AHCYL2: variants seen among roughly 807,000 people sequenced by gnomAD.
The protein encoded by AHCYL2 is S-adenosylhomocysteine hydrolase-like protein 2.
AHCYL2 carries 28 observed loss-of-function variants against 81.4 expected under a neutral mutation model. The ratio of observed to expected loss-of-function variants is 0.34; its 90% CI spans 0.25 to 0.47. The LOEUF (loss-of-function observed/expected upper bound fraction) is 0.47, where lower values mean the gene tolerates loss of function less well. Ranked by LOEUF, AHCYL2 falls within the 20% of genes least tolerant of loss-of-function variation. The pLI, the probability that AHCYL2 is intolerant of heterozygous loss-of-function variation, is 1.00. For synonymous variants in AHCYL2, 272 were observed against 290.2 expected, an observed-to-expected ratio of 0.94 and a Z score of 0.64; for missense variants, 551 against 785.1, an observed-to-expected ratio of 0.70 and a Z score of 3.56.
intron 10 of AHCYL2, among the ~76,000 whole-genome samples, chr7:129,409,021 C>T (rs1796437498): frequency 6.6e-6 from 1 of 151,704 alleles, no homozygotes. Flanking sequence ...GGCTGTAGTG[C>T]ACTATGATTA....
intron 1 of AHCYL2, among the ~76,000 whole-genome samples, chr7:129,248,510 CT>C (rs61064725): frequency 0.94 from 131,234 of 140,258 alleles, 61,662 homozygotes; most frequent in South Asian, 0.99. Flanking sequence ...TTCTTTTTTT[CT>C]TTTTTTTTTT....
At chr7:129,370,881 G>A (rs1291806989) in intron 1 of AHCYL2, among the ~76,000 whole-genome samples, 1 of 152,130 alleles carries the variant, frequency 6.6e-6, no homozygotes, top group Non-Finnish European at 1.5e-5. Context: ...TCAATAACAC[G>A]ATTGTCTCAT....
intron 2 of AHCYL2, 92 bp downstream of exon 2, chr7:129,379,841 A>G: frequency 1.1e-6 from 1 of 914,032 alleles, no homozygotes. Flanking sequence ...ATTAAGCATG[A>G]CCAAGACTGT....
chr7:129,330,386 C>G (rs1170596824), intron 1 of AHCYL2, among the ~76,000 whole-genome samples: 1 of 151,616 alleles, frequency 6.6e-6, no homozygotes, highest in Non-Finnish European at 1.5e-5. Context: ...TACACTCATG[C>G]AATGAAATAT....
At chr7:129,230,079 C>CTTTTTT (rs35056717) in intron 1 of AHCYL2, among the ~76,000 whole-genome samples, 7 of 109,432 alleles carry the variant, frequency 6.4e-5, no homozygotes, top group South Asian at 3.0e-4. Context: ...TTATTTAATT[C>CTTTTTT]TTTTTTTTTT....
At chr7:129,292,469 A>G (rs555445278) in intron 1 of AHCYL2, among the ~76,000 whole-genome samples, 17 of 152,316 alleles carry the variant, frequency 1.1e-4, no homozygotes, top group African/African-American at 3.6e-4. Context: ...TGACACAAGA[A>G]TGAAAATGAT....
intron 1 of AHCYL2, among the ~76,000 whole-genome samples, chr7:129,253,309 A>G (rs1157766397): frequency 6.6e-6 from 1 of 152,194 alleles, no homozygotes; most frequent in Admixed American, 6.5e-5. Flanking sequence ...CCTTAGGAAG[A>G]TTGGGACCTT....
chr7:129,230,079 C>CTTTTTTTTTTTTTT (rs35056717), intron 1 of AHCYL2, among the ~76,000 whole-genome samples: 3 of 109,432 alleles, frequency 2.7e-5, no homozygotes, highest in Admixed American at 1.0e-4. Context: ...TTATTTAATT[C>CTTTTTTTTTTTTTT]TTTTTTTTTT....
chr7:129,345,516 A>G (rs1793331495), intron 1 of AHCYL2, among the ~76,000 whole-genome samples: 1 of 152,160 alleles, frequency 6.6e-6, no homozygotes, highest in Non-Finnish European at 1.5e-5. Flanking sequence ...CATGGAATTA[A>G]TTAGTATATG....
rs57197528 is a variant in AHCYL2 at position 129,384,542 on chromosome 7, G to C, written c.476-4514G>C. Among the ~76,000 whole-genome samples, 513 of 152,054 alleles carry C rather than the reference G, an allele frequency of 3.4e-3. 27 individuals carry two copies. The East Asian group carries it at 0.089, about 26-fold the overall frequency. On this transcript the variant is annotated intron_variant, in intron 2 of 16. Transcript: ENST00000325006. Reference sequence around the variant, plus strand: ...GGTCCCTAATATACTCAGTGTGTATGAACAACAAAAGCAGGTTTATGAGAT... The same window carrying C: ...GGTCCCTAATATACTCAGTGTGTATCAACAACAAAAGCAGGTTTATGAGAT...
intron 1 of AHCYL2, among the ~76,000 whole-genome samples, chr7:129,378,737 T>C (rs750485102): frequency 1.3e-5 from 2 of 152,246 alleles, no homozygotes; most frequent in African/African-American, 2.4e-5. Flanking sequence ...CTTGCAATTT[T>C]CTCATCTAGA....
intron 1 of AHCYL2, among the ~76,000 whole-genome samples, chr7:129,232,415 A>G (rs867439089): frequency 6.6e-6 from 1 of 152,210 alleles, no homozygotes; most frequent in African/African-American, 2.4e-5. Flanking sequence ...CTCTGTGCCA[A>G]CACCCGTGCT....
At chr7:129,378,317 A>T (rs894983545) in intron 1 of AHCYL2, among the ~76,000 whole-genome samples, 13 of 152,034 alleles carry the variant, frequency 8.6e-5, no homozygotes, top group East Asian at 1.9e-4. Flanking sequence ...TCTAAAAAAA[A>T]AAAAATAAAT....
At chr7:129,405,538 A>G (rs534901837) in intron 8 of AHCYL2, 2 of 376,988 alleles carry the variant, frequency 5.3e-6, no homozygotes, top group Admixed American at 8.7e-5. Flanking sequence ...AAACCCTTAC[A>G]TATAGGATTG....
intron 1 of AHCYL2, among the ~76,000 whole-genome samples, chr7:129,245,637 CATA>C: frequency 6.6e-6 from 1 of 152,270 alleles, no homozygotes; most frequent in South Asian, 2.1e-4. Flanking sequence ...TTTCACTTAG[CATA>C]ATATCTTCAA....
intron 1 of AHCYL2, among the ~76,000 whole-genome samples, chr7:129,257,643 G>A (rs755420272): frequency 8.5e-5 from 13 of 152,090 alleles, no homozygotes; most frequent in Non-Finnish European, 1.2e-4. Context: ...GTATATATAC[G>A]TGAAAGAAGT....
At chr7:129,353,168 G>A (rs1444148826) in intron 1 of AHCYL2, among the ~76,000 whole-genome samples, 6 of 151,904 alleles carry the variant, frequency 3.9e-5, no homozygotes, top group South Asian at 2.1e-4. Context: ...GGCTGGTCTC[G>A]AACTCCTGAC....
intron 1 of AHCYL2, among the ~76,000 whole-genome samples, chr7:129,257,007 T>C (rs1021180489): frequency 6.6e-6 from 1 of 152,104 alleles, no homozygotes; most frequent in African/African-American, 2.4e-5. Context: ...ACATGATCCT[T>C]TTGAGCAACC....
intron 1 of AHCYL2, among the ~76,000 whole-genome samples, chr7:129,257,088 A>G (rs574151997): frequency 3.3e-5 from 5 of 152,298 alleles, no homozygotes; most frequent in Non-Finnish European, 7.3e-5. Flanking sequence ...TATTTTATCT[A>G]TGAAGAAGAG....
Sources: gnomAD v4.1 joint callset for allele counts (sites outside exome capture counted in the v4.1 genomes callset) on GRCh38, gnomAD v4.1.1 for gene constraint, MANE v1.5 for transcripts, NCBI Gene and HGNC (gene_info 2026-07-23, HGNC 2026-07-21) for gene names.